CDH8: variants seen among roughly 807,000 people sequenced by gnomAD.
The protein encoded by CDH8 is cadherin-8.
A neutral mutation model predicts 68.1 loss-of-function variants in CDH8; 17 were observed. The observed-to-expected ratio is 0.25, with a 90% confidence interval of 0.17 to 0.37. The LOEUF is 0.37. CDH8 is among the 10% of genes least tolerant of loss of function. The pLI, the probability that CDH8 is intolerant of heterozygous loss-of-function variation, is 1.00. For missense variants in CDH8, 763 were observed against 999.3 expected (o/e 0.76, Z 3.19); for synonymous variants, 372 against 365.1 (o/e 1.02, Z -0.21).
At chr16:62,023,360 C>T (rs1349396803) in intron 1 of CDH8, among the ~76,000 whole-genome samples, 1 of 151,960 alleles carries the variant, frequency 6.6e-6, no homozygotes, top group Admixed American at 6.6e-5. Flanking sequence ...TGGATCCCAG[C>T]TCACCCTGCT....
chr16:61,706,779 A>G (rs1182850221), intron 10 of CDH8, among the ~76,000 whole-genome samples: 1 of 152,162 alleles, frequency 6.6e-6, no homozygotes. Flanking sequence ...TTAAGTACAT[A>G]TGAAGTTCTA....
At chr16:61,794,749 AT>A (rs1157181665) in intron 7 of CDH8, among the ~76,000 whole-genome samples, 1 of 151,766 alleles carries the variant, frequency 6.6e-6, no homozygotes, top group Non-Finnish European at 1.5e-5. Flanking sequence ...TGGTACCAGT[AT>A]TTTTTTTCCA....
intron 3 of CDH8, among the ~76,000 whole-genome samples, chr16:61,859,913 T>A (rs914868295): frequency 1.9e-4 from 29 of 152,148 alleles, no homozygotes; most frequent in Non-Finnish European, 5.9e-5. Flanking sequence ...AGTGGTGTGA[T>A]CTTGGCTCAC....
At chr16:61,795,682 A>G (rs1466458615) in intron 7 of CDH8, among the ~76,000 whole-genome samples, 1 of 152,156 alleles carries the variant, frequency 6.6e-6, no homozygotes, top group Non-Finnish European at 1.5e-5. Context: ...AATAAGAACT[A>G]CTAGTCACAT....
At chr16:61,839,391 A>G (rs1597009395) in intron 4 of CDH8, among the ~76,000 whole-genome samples, 1 of 152,140 alleles carries the variant, frequency 6.6e-6, no homozygotes, top group East Asian at 1.9e-4. Context: ...TTTGTTTTAT[A>G]TATTTAGAGG....
At chr16:61,996,482 A>G (rs1965806357) in intron 2 of CDH8, among the ~76,000 whole-genome samples, 1 of 152,214 alleles carries the variant, frequency 6.6e-6, no homozygotes, top group Non-Finnish European at 1.5e-5. Context: ...GCTCATCAAC[A>G]ATAGGTTTTA....
chr16:61,665,009 C>T (rs546574631), intron 10 of CDH8, among the ~76,000 whole-genome samples: 5 of 152,012 alleles, frequency 3.3e-5, no homozygotes, highest in African/African-American at 4.8e-5. Flanking sequence ...CAACTAAATA[C>T]GTAAATAATT....
chr16:61,807,504 A>C (rs1038764709), intron 7 of CDH8, among the ~76,000 whole-genome samples: 1 of 138,346 alleles, frequency 7.2e-6, no homozygotes, highest in East Asian at 1.9e-4. Context: ...AAAAACAAAA[A>C]CAAACAAACA....
At chr16:61,753,236 TTTC>T (rs1041691995) in intron 8 of CDH8, among the ~76,000 whole-genome samples, 3 of 105,826 alleles carry the variant, frequency 2.8e-5, no homozygotes, top group African/African-American at 1.9e-4. Context: ...TTGATATTTC[TTTC>T]TTTTTTTTTT....
intron 10 of CDH8, chr16:61,667,725 G>A (rs143197065): frequency 2.0e-5 from 3 of 151,852 alleles, no homozygotes; most frequent in Admixed American, 6.6e-5. Flanking sequence ...TATTTGTTAC[G>A]GCATCCCTAG....
chr16:61,870,443 A>C (rs1366783667), intron 3 of CDH8, among the ~76,000 whole-genome samples: 1 of 152,196 alleles, frequency 6.6e-6, no homozygotes, highest in Non-Finnish European at 1.5e-5. Flanking sequence ...TAGATTCTCC[A>C]GGGAAATGTT....
chr16:61,798,141 A>T (rs570478504), intron 7 of CDH8, among the ~76,000 whole-genome samples: 79 of 152,330 alleles, frequency 5.2e-4, no homozygotes, highest in African/African-American at 1.9e-3. Flanking sequence ...GAGCCAGGAA[A>T]ATAATAGTGC....
At chr16:61,773,824 T>C (rs1450247729) in intron 8 of CDH8, among the ~76,000 whole-genome samples, 1 of 152,094 alleles carries the variant, frequency 6.6e-6, no homozygotes, top group Non-Finnish European at 1.5e-5. Flanking sequence ...CTGGGTGATA[T>C]GTGAGGTGAG....
chr16:61,654,303 G>A (rs538229029), intron 11 of CDH8, among the ~76,000 whole-genome samples: 224 of 152,202 alleles, frequency 1.5e-3, no homozygotes, highest in Non-Finnish European at 2.5e-3. Flanking sequence ...CAGATTATTG[G>A]CTTATTAAAT....
At chr16:61,836,028 CGACAT>C (rs1962561042) in intron 4 of CDH8, among the ~76,000 whole-genome samples, 1 of 151,806 alleles carries the variant, frequency 6.6e-6, no homozygotes, top group South Asian at 2.1e-4. Context: ...AAATAGCACC[CGACAT>C]AATTCACAGA....
At chr16:61,896,286 G>A (rs7194979) in intron 3 of CDH8, among the ~76,000 whole-genome samples, 4,065 of 152,312 alleles carry the variant, frequency 0.027, 179 homozygotes, top group African/African-American at 0.092. Context: ...TAATTTGGCT[G>A]CCATTTGGGC....
At chr16:61,980,642 T>G (rs545213817) in intron 2 of CDH8, among the ~76,000 whole-genome samples, 8 of 152,206 alleles carry the variant, frequency 5.3e-5, no homozygotes, top group Non-Finnish European at 1.2e-4. Context: ...CTTATTTACA[T>G]TCCTTTATTT....
At chr16:61,699,396 T>C (rs372273111) in intron 10 of CDH8, among the ~76,000 whole-genome samples, 4 of 152,308 alleles carry the variant, frequency 2.6e-5, no homozygotes, top group East Asian at 3.9e-4. Context: ...TCCTTGTTAA[T>C]GGTACTTCAT....
chr16:61,766,505 C>T (rs1366703948), intron 8 of CDH8, among the ~76,000 whole-genome samples: 1 of 151,886 alleles, frequency 6.6e-6, no homozygotes, highest in Non-Finnish European at 1.5e-5. Flanking sequence ...GGTAGATACC[C>T]AGCATGGGAT....
Sources: allele counts gnomAD v4.1 joint callset (sites outside exome capture counted in the v4.1 genomes callset), GRCh38; gene constraint gnomAD v4.1.1; transcripts MANE v1.5; gene names NCBI Gene and HGNC (gene_info 2026-07-23, HGNC 2026-07-21).